Variants in CFAP53 observed in about 807,000 individuals in gnomAD.
CFAP53 encodes cilia- and flagella-associated protein 53.
Under a neutral mutation model 59.7 loss-of-function variants are expected in CFAP53, and 62 were observed. The observed-to-expected ratio is 1.04, with a 90% confidence interval of 0.85 to 1.28. The LOEUF (loss-of-function observed/expected upper bound fraction) is 1.28, where lower values mean the gene tolerates loss of function less well. Among genes scored for constraint, CFAP53 ranks in the 50% most tolerant of loss-of-function variants. The pLI is 0.00. For synonymous variants in CFAP53, 218 were observed against 205.7 expected (o/e 1.06, Z -0.51); for missense variants, 629 against 615.6 (o/e 1.02, Z -0.23).
intron 3 of CFAP53, among the ~76,000 whole-genome samples, chr18:50,259,594 C>T (rs770790471): frequency 1.3e-5 from 2 of 151,964 alleles, no homozygotes; most frequent in Non-Finnish European, 2.9e-5. Flanking sequence ...CCACCATGCC[C>T]GGCTAATTTT....
At chr18:50,258,738 A>G (rs1444066944) in intron 3 of CFAP53, among the ~76,000 whole-genome samples, 1 of 152,216 alleles carries the variant, frequency 6.6e-6, no homozygotes, top group African/African-American at 2.4e-5. Flanking sequence ...ATATATAAGG[A>G]GCTCAAACAA....
chr18:50,266,263 T>G, intron 1 of CFAP53, 73 bp downstream of exon 1: 2 of 1,444,400 alleles, frequency 1.4e-6, no homozygotes, highest in Non-Finnish European at 1.9e-6. Context: ...GGGGCCGAAG[T>G]GGGATAGGCC....
chr18:50,264,964 T>C (rs1193043694), intron 1 of CFAP53, among the ~76,000 whole-genome samples: 1 of 152,218 alleles, frequency 6.6e-6, no homozygotes, highest in African/African-American at 2.4e-5. Context: ...GATCTTACAG[T>C]ACTTGGACCT....
intron 3 of CFAP53, among the ~76,000 whole-genome samples, chr18:50,259,371 G>T (rs2033871356): frequency 1.3e-5 from 2 of 149,188 alleles, no homozygotes; most frequent in South Asian, 4.2e-4. Flanking sequence ...AACATTGCAT[G>T]TTCTCACTAG....
intron 1 of CFAP53, among the ~76,000 whole-genome samples, chr18:50,264,650 T>C (rs762924689): frequency 9.9e-5 from 15 of 152,226 alleles, no homozygotes; most frequent in Non-Finnish European, 1.5e-4. Context: ...TCTATCTTTC[T>C]TATCACACTC....
chr18:50,238,586 A>G lies in CFAP53; in HGVS notation c.1316+17T>C, dbSNP rs2033658782. The G allele has an allele frequency of 1.9e-6, 3 of 1,586,982 alleles. No homozygotes were observed. The highest frequency in any genetic ancestry group is 2.6e-6 in the Non-Finnish European group (3 of 1,158,494). On this transcript the variant is annotated intron_variant, in intron 7 of 7. Coordinates refer to ENST00000398545, the MANE Select transcript of CFAP53 (RefSeq NM_145020.5). ...TTTTTTAGGTAGCAAATGATGATAC[A>G]GAAAACAAAATCATACCTTGCAAAA...
intron 5 of CFAP53, among the ~76,000 whole-genome samples, chr18:50,249,259 T>G (rs2033775616): frequency 6.8e-6 from 1 of 148,042 alleles, no homozygotes; most frequent in African/African-American, 2.5e-5. Context: ...GGCTCATGCC[T>G]GTAAACACAA....
chr18:50,258,096 A>C (rs1310097317), intron 3 of CFAP53, among the ~76,000 whole-genome samples: 1 of 152,198 alleles, frequency 6.6e-6, no homozygotes, highest in Non-Finnish European at 1.5e-5. Context: ...AAGAAAAGAA[A>C]AAACAATCCT....
At position 50,242,125 on chromosome 18, in the gene CFAP53, G is replaced by A. The variant is rs140057581; in HGVS notation, c.1213+775C>T. Among the ~76,000 whole-genome samples, 607 of 152,254 alleles carry A rather than the reference G, an allele frequency of 4.0e-3. 3 individuals carry two copies. The highest frequency in any genetic ancestry group is 0.014 in the African/African-American group (570 of 41,538). ...ACATGGCTCTATTCTGCCCGACCCC[G>A]CAGGCAGTCAGACCTTATGGTTATC... On this transcript the variant is annotated intron_variant, in intron 6 of 7. Coordinates refer to ENST00000398545, the MANE Select transcript of CFAP53 (RefSeq NM_145020.5).
intron 1 of CFAP53, among the ~76,000 whole-genome samples, chr18:50,262,650 C>G (rs933414078): frequency 2.6e-5 from 4 of 152,052 alleles, no homozygotes; most frequent in Non-Finnish European, 5.9e-5. Context: ...GGTTGGACAC[C>G]ATAGTTATCA....
In CFAP53 at chr18:50,266,185, C is replaced by T. The variant is rs2033968610; in HGVS notation, c.69+151G>A. The T allele has an allele frequency of 8.8e-6, 6 of 683,526 alleles. No individual in the cohort carries two copies. The Admixed American group carries it at 1.0e-4, about 12-fold the overall frequency. The allele number at this position is 683,526 out of a possible 1,614,324, so 42.3% of individuals were successfully genotyped here. On this transcript the variant is annotated intron_variant, in intron 1 of 7. Coordinates refer to ENST00000398545, the MANE Select transcript of CFAP53 (RefSeq NM_145020.5). ...GGGGTAGATAGGTGAGCGACCTTAT[C>T]TTCCTTCTTTCAAAATTCAACCCAC...
intron 5 of CFAP53, among the ~76,000 whole-genome samples, chr18:50,246,578 T>C (rs1397409272): frequency 6.6e-6 from 1 of 152,170 alleles, no homozygotes; most frequent in Non-Finnish European, 1.5e-5. Flanking sequence ...ATTTTTTAGA[T>C]AGGACCCCTA....
chr18:50,237,354 G>T (rs1313531412), intron 7 of CFAP53, among the ~76,000 whole-genome samples: 2 of 20,122 alleles, frequency 9.9e-5, no homozygotes, highest in East Asian at 2.5e-3. Context: ...ATATATATAC[G>T]CACACATATA....
At chr18:50,247,517 A>G (rs1184707883) in intron 5 of CFAP53, among the ~76,000 whole-genome samples, 1 of 152,276 alleles carries the variant, frequency 6.6e-6, no homozygotes, top group Non-Finnish European at 1.5e-5. Context: ...GAATGTTCAT[A>G]GTAGCATTAT....
chr18:50,263,202 TA>T (rs2033911163), intron 1 of CFAP53, among the ~76,000 whole-genome samples: 1 of 152,208 alleles, frequency 6.6e-6, no homozygotes, highest in Non-Finnish European at 1.5e-5. Flanking sequence ...GGAGCCACCA[TA>T]AAATCCATAG....
intron 4 of CFAP53, 26 bp from the exon 5 acceptor site, chr18:50,251,002 A>C: frequency 6.3e-7 from 1 of 1,580,122 alleles, no homozygotes; most frequent in East Asian, 2.2e-5. Flanking sequence ...AATAAAGATA[A>C]TGCATCAGTA....
rs199505634 is a variant in CFAP53, at chr18:50,238,637, C to A, written c.1282G>T (p.Glu428Ter). The change falls in exon 7 of 8, where the codon GAA becomes TAA. Residue 428 changes from glutamate (E) to a stop codon, truncating the protein, a stop_gained. Transcript: ENST00000398545. LOFTEE classifies it low-confidence loss of function (END_TRUNC). ...EQKHINESLKELNCEEKENFA... is the reference protein window; with the variant it reads ...EQKHINESLK ...TTCTCCTTCTCTTCACAGTTAAGTT[C>A]TTTAAGACTTTCATTTATGTGTTTC... is the stretch of plus-strand genomic sequence containing the variant. The A allele has an allele frequency of 1.2e-4, 200 of 1,610,912 alleles. No individual in the cohort carries two copies. Among genetic ancestry groups the A allele is most frequent in the Middle Eastern group, 9.9e-4 (6 of 6,054 alleles).
chr18:50,265,383 G>C (rs1339708544), intron 1 of CFAP53, among the ~76,000 whole-genome samples: 1 of 152,106 alleles, frequency 6.6e-6, no homozygotes, highest in Non-Finnish European at 1.5e-5. Context: ...GTTTAGACTT[G>C]GGTCCCCTCC....
chr18:50,238,709 A>T lies in CFAP53; in HGVS notation c.1214-4T>A, dbSNP rs202154283. The T allele has an allele frequency of 1.2e-5, 19 of 1,603,870 alleles. No homozygotes were observed. In the East Asian group the frequency reaches 4.2e-4, roughly 36 times the overall value. On this transcript the variant is annotated splice_polypyrimidine_tract_variant and splice_region_variant and intron_variant, in intron 6 of 7. Transcript: ENST00000398545. ...TGTTCTTTAGCTTCTCGTTGCACTAAGAAAAGCAAAAGTAATTATATGTCA... is the reference window on the plus strand; with the variant it reads ...TGTTCTTTAGCTTCTCGTTGCACTATGAAAAGCAAAAGTAATTATATGTCA...
Sources: gnomAD v4.1 joint callset for allele counts (sites outside exome capture counted in the v4.1 genomes callset) on GRCh38, gnomAD v4.1.1 for gene constraint, MANE v1.5 for transcripts, NCBI Gene and HGNC (gene_info 2026-07-23, HGNC 2026-07-21) for gene names.